The following TRIM9 variants were observed in gnomAD, a reference collection of about 807,000 sequenced individuals.
The protein encoded by TRIM9 is E3 ubiquitin-protein ligase TRIM9.
Under a neutral mutation model 78.3 loss-of-function variants are expected in TRIM9, and 26 were observed. The observed-to-expected ratio is 0.33, with a 90% CI of 0.24 to 0.46. The LOEUF (loss-of-function observed/expected upper bound fraction) is 0.46, where lower values mean the gene tolerates loss of function less well. TRIM9 is among the 20% of genes least tolerant of loss of function. TRIM9 has a pLI of 1.00. For synonymous variants in TRIM9, 398 were observed against 416.5 expected, an observed-to-expected ratio of 0.96 and a Z score of 0.54; for missense variants, 787 against 1,036.4, an observed-to-expected ratio of 0.76 and a Z score of 3.30.
At chr14:51,081,017 A>T (rs748214212) in intron 1 of TRIM9, among the ~76,000 whole-genome samples, 8 of 152,348 alleles carry the variant, frequency 5.3e-5, no homozygotes, top group Middle Eastern at 3.4e-3. Flanking sequence ...AGTCTTGATA[A>T]GATTTCCTCC....
rs1007149099 is a variant in TRIM9 at position 51,048,932 on chromosome 14, C to T, written c.823-23572G>A. ...CCAGGAGGCGGTGCTTGCAGTGAGC[C>T]GAGATCGCACCACTGCACTCCAGCC... On this transcript the variant is annotated intron_variant, in intron 1 of 12. Coordinates refer to ENST00000684578, the MANE Select transcript of TRIM9 (RefSeq NM_001387360.1). 4.7e-5 allele frequency among the ~76,000 whole-genome samples: 7 copies of T among 148,424 alleles called. No homozygotes were observed. In the South Asian group the frequency reaches 8.6e-4, roughly 18 times the overall value.
In TRIM9 at chr14:51,073,437, A is replaced by G. The variant is rs1459795099; in HGVS notation, c.822+20681T>C. Among the ~76,000 whole-genome samples, 4 of 152,378 alleles carry G rather than the reference A, an allele frequency of 2.6e-5. No individual in the cohort carries two copies. The East Asian group carries it at 7.7e-4, about 29-fold the overall frequency. On this transcript the variant is annotated intron_variant, in intron 1 of 12. Coordinates refer to ENST00000684578, the MANE Select transcript of TRIM9 (RefSeq NM_001387360.1). ...TGACAGAATGGATAAATTGTGAAACATTCATAAAAATGGAATACCATACAA... is the reference window on the plus strand; with the variant it reads ...TGACAGAATGGATAAATTGTGAAACGTTCATAAAAATGGAATACCATACAA...
intron 5 of TRIM9, among the ~76,000 whole-genome samples, chr14:51,008,105 G>C (rs921500540): frequency 2.0e-4 from 30 of 152,300 alleles, no homozygotes; most frequent in African/African-American, 7.2e-4. Flanking sequence ...CAAAACTATA[G>C]AGATGGAGAA....
chr14:51,035,251 T>C (rs2059042226), intron 1 of TRIM9, among the ~76,000 whole-genome samples: 1 of 152,196 alleles, frequency 6.6e-6, no homozygotes, highest in Non-Finnish European at 1.5e-5. Flanking sequence ...TTCTGATTTT[T>C]CTGAAATGAG....
chr14:51,020,973 G>T lies in TRIM9; in HGVS notation c.1041+1862C>A, dbSNP rs147820517. 5.4e-3 allele frequency among the ~76,000 whole-genome samples: 826 copies of T among 152,302 alleles called. 4 individuals carry two copies. Among genetic ancestry groups the T allele is most frequent in the African/African-American group, 0.019 (778 of 41,562 alleles). On this transcript the variant is annotated intron_variant, in intron 3 of 12. Transcript: ENST00000684578. ...AAGAGATATTTCCATTAAGAAGAAA[G>T]TTAAAATGTTATGGCTAGGTACTTA... is the stretch of plus-strand genomic sequence containing the variant.
intron 6 of TRIM9, among the ~76,000 whole-genome samples, chr14:50,998,550 TG>T (rs1466901071): frequency 6.6e-6 from 1 of 152,202 alleles, no homozygotes; most frequent in Non-Finnish European, 1.5e-5. Flanking sequence ...CTTATTAACT[TG>T]GGATTGGTAC....
intron 1 of TRIM9, among the ~76,000 whole-genome samples, chr14:51,029,280 C>G (rs2058523370): frequency 1.3e-5 from 2 of 152,146 alleles, no homozygotes; most frequent in Non-Finnish European, 2.9e-5. Context: ...TGGTACAAAA[C>G]AGAGGAGGCG....
At chr14:51,053,592 T>TA (rs1213206560) in intron 1 of TRIM9, among the ~76,000 whole-genome samples, 31 of 115,586 alleles carry the variant, frequency 2.7e-4, no homozygotes, top group South Asian at 7.7e-4. Flanking sequence ...TTTTTTTTTT[T>TA]TAATTTTTTT....
intron 1 of TRIM9, among the ~76,000 whole-genome samples, chr14:51,025,783 G>T (rs2058170826): frequency 6.6e-6 from 1 of 152,114 alleles, no homozygotes. Flanking sequence ...ATAGAGTAAA[G>T]AACAGGATGA....
chr14:50,994,496 A>G (rs1438168618), intron 7 of TRIM9, among the ~76,000 whole-genome samples: 2 of 152,234 alleles, frequency 1.3e-5, no homozygotes, highest in Non-Finnish European at 2.9e-5. Context: ...AATAGACTAA[A>G]TAGATAGACT....
Position 50,979,414 on chromosome 14 carries a change from AGG to A in TRIM9, c.2296_2297del (p.Pro766CysfsTer105). ...AFDNVEGLFF[P>X]AVSLNRNVQV... is the part of the protein sequence containing the mutation. Reference sequence around the variant, plus strand: ...GCACGTTCCTGTTCAGGCTGACCGCAGGGAAGAAGAGGCCCTCCACGTTATCA... The same window carrying A: ...GCACGTTCCTGTTCAGGCTGACCGCAGAAGAAGAGGCCCTCCACGTTATCA... On this transcript the variant is annotated frameshift_variant, in exon 12 of 13. Transcript: ENST00000684578. LOFTEE classifies it high-confidence loss of function. The A allele has an allele frequency of 6.2e-7, 1 of 1,614,228 alleles. No homozygotes were observed. The highest frequency in any genetic ancestry group is 8.5e-7 in the Non-Finnish European group (1 of 1,180,034).
chr14:50,979,603 T>G, intron 11 of TRIM9, 54 bp from the exon 12 acceptor site: 1 of 1,474,678 alleles, frequency 6.8e-7, no homozygotes, highest in Non-Finnish European at 9.4e-7. Flanking sequence ...CTCTAGAAGC[T>G]CCCCCCTTTT....
chr14:51,064,496 A>G (rs1454688411), intron 1 of TRIM9, among the ~76,000 whole-genome samples: 1 of 126,398 alleles, frequency 7.9e-6, no homozygotes, highest in Non-Finnish European at 1.8e-5. Context: ...AAATATAAAG[A>G]ATCAAAAGTT....
At chr14:50,979,646 A>G (rs904025946) in intron 11 of TRIM9, 97 bp from the exon 12 acceptor site, 6 of 1,016,012 alleles carry the variant, frequency 5.9e-6, no homozygotes, top group Non-Finnish European at 8.9e-6. Flanking sequence ...CAACCTGTTT[A>G]TAATCATCAC....
At chr14:51,049,770 A>C (rs2060244615) in intron 1 of TRIM9, among the ~76,000 whole-genome samples, 1 of 151,892 alleles carries the variant, frequency 6.6e-6, no homozygotes, top group Non-Finnish European at 1.5e-5. Flanking sequence ...GGTTGCAGTG[A>C]GCCGAGATTG....
intron 1 of TRIM9, among the ~76,000 whole-genome samples, chr14:51,078,794 G>A (rs561032182): frequency 1.3e-5 from 2 of 152,126 alleles, no homozygotes; most frequent in Admixed American, 6.5e-5. Context: ...GAGGAGATAC[G>A]TAGGATAAAC....
chr14:51,038,538 G>A (rs1392700028), intron 1 of TRIM9, among the ~76,000 whole-genome samples: 1 of 152,182 alleles, frequency 6.6e-6, no homozygotes, highest in Non-Finnish European at 1.5e-5. Flanking sequence ...AAGTTGGAGA[G>A]AGGAAAGCCT....
intron 1 of TRIM9, among the ~76,000 whole-genome samples, chr14:51,063,272 G>A (rs74054019): frequency 0.025 from 3,799 of 152,106 alleles, 164 homozygotes; most frequent in African/African-American, 0.088. Context: ...AATTCGGAAG[G>A]CATCAATAAT....
chr14:51,030,991 A>G (rs2058676082), intron 1 of TRIM9, among the ~76,000 whole-genome samples: 1 of 152,010 alleles, frequency 6.6e-6, no homozygotes, highest in Non-Finnish European at 1.5e-5. Context: ...TACTGAAAAT[A>G]CAAAAAGTTA....
Sources: gnomAD v4.1 joint callset for allele counts (sites outside exome capture counted in the v4.1 genomes callset) on GRCh38, gnomAD v4.1.1 for gene constraint, MANE v1.5 for transcripts, NCBI Gene and HGNC (gene_info 2026-07-23, HGNC 2026-07-21) for gene names.